The following PRKCE variants were observed in gnomAD, a reference collection of about 807,000 sequenced individuals.
PRKCE encodes the protein protein kinase C epsilon, also known as protein kinase C epsilon type.
Under a neutral mutation model 85.4 loss-of-function variants are expected in PRKCE, and 16 were observed. That is an observed-to-expected ratio of 0.19 (90% confidence interval 0.13 to 0.28). The LOEUF is 0.28. Ranked by LOEUF, PRKCE falls within the 10% of genes least tolerant of loss-of-function variation. PRKCE has a pLI of 1.00. For synonymous variants in PRKCE, 388 were observed against 371.5 expected, an observed-to-expected ratio of 1.04 and a Z score of -0.51; for missense variants, 573 against 975.2, an observed-to-expected ratio of 0.59 and a Z score of 5.49.
intron 1 of PRKCE, among the ~76,000 whole-genome samples, chr2:45,745,437 G>A (rs961555329): frequency 1.3e-5 from 2 of 151,872 alleles, no homozygotes; most frequent in Non-Finnish European, 2.9e-5. Flanking sequence ...ACAACATTTC[G>A]TCCCCTCTGC....
intron 11 of PRKCE, among the ~76,000 whole-genome samples, chr2:46,132,463 A>G (rs1473204774): frequency 1.3e-5 from 2 of 152,142 alleles, no homozygotes; most frequent in Non-Finnish European, 2.9e-5. Context: ...GTATGTCATA[A>G]GTGCTCAGTA....
chr2:45,682,061 G>T (rs1676947811), intron 1 of PRKCE, among the ~76,000 whole-genome samples: 1 of 152,140 alleles, frequency 6.6e-6, no homozygotes, highest in Admixed American at 6.5e-5. Context: ...TAGTGTTTAA[G>T]CTTATTAAAA....
intron 1 of PRKCE, among the ~76,000 whole-genome samples, chr2:45,781,432 A>G (rs1346354177): frequency 6.6e-6 from 1 of 152,206 alleles, no homozygotes; most frequent in Non-Finnish European, 1.5e-5. Context: ...AAATGATCAT[A>G]TTCAGTTCTT....
At chr2:46,127,178 A>G (rs938419459) in intron 11 of PRKCE, among the ~76,000 whole-genome samples, 1 of 152,184 alleles carries the variant, frequency 6.6e-6, no homozygotes, top group Non-Finnish European at 1.5e-5. Context: ...GTTCAGTTCA[A>G]AATTGTTGAC....
At chr2:45,799,799 G>T (rs1687717715) in intron 1 of PRKCE, among the ~76,000 whole-genome samples, 1 of 152,188 alleles carries the variant, frequency 6.6e-6, no homozygotes, top group East Asian at 1.9e-4. Flanking sequence ...TTCTTGCTGA[G>T]ATGATGTCAG....
chr2:45,985,858 C>T (rs1028589848), intron 6 of PRKCE, among the ~76,000 whole-genome samples: 1 of 152,206 alleles, frequency 6.6e-6, no homozygotes, highest in Non-Finnish European at 1.5e-5. Context: ...ACGAAGCTGT[C>T]CACCTGTTGG....
chr2:46,034,582 A>G (rs1001870730), intron 10 of PRKCE, among the ~76,000 whole-genome samples: 1 of 152,144 alleles, frequency 6.6e-6, no homozygotes, highest in African/African-American at 2.4e-5. Context: ...TCCCACATCT[A>G]AGGACACCAC....
chr2:45,930,619 A>T (rs1458904205), intron 2 of PRKCE, among the ~76,000 whole-genome samples: 1 of 152,202 alleles, frequency 6.6e-6, no homozygotes, highest in Non-Finnish European at 1.5e-5. Flanking sequence ...GTTACTCATC[A>T]TGAACTCTGC....
At chr2:45,744,883 A>G (rs1361295226) in intron 1 of PRKCE, among the ~76,000 whole-genome samples, 1 of 152,204 alleles carries the variant, frequency 6.6e-6, no homozygotes, top group Non-Finnish European at 1.5e-5. Context: ...TGCTGGGATT[A>G]TAGGCGTGAG....
At chr2:46,170,217 C>A (rs2104649988) in intron 14 of PRKCE, among the ~76,000 whole-genome samples, 1 of 152,330 alleles carries the variant, frequency 6.6e-6, no homozygotes, top group East Asian at 1.9e-4. Context: ...TAGCCCCAGG[C>A]AACCCTGGTC....
intron 1 of PRKCE, among the ~76,000 whole-genome samples, chr2:45,698,569 G>GA (rs144540569): frequency 0.027 from 4,022 of 148,238 alleles, 176 homozygotes; most frequent in African/African-American, 0.096. Flanking sequence ...AGTGAGCACA[G>GA]AAAAAAAAAT....
intron 1 of PRKCE, among the ~76,000 whole-genome samples, chr2:45,710,687 G>A (rs183497392): frequency 3.9e-5 from 6 of 152,348 alleles, no homozygotes; most frequent in Admixed American, 2.6e-4. Flanking sequence ...TTGGGGACTG[G>A]CTGTCACAGG....
chr2:45,885,377 A>G (rs572199504), intron 2 of PRKCE, among the ~76,000 whole-genome samples: 12 of 152,268 alleles, frequency 7.9e-5, no homozygotes, highest in African/African-American at 2.4e-4. Flanking sequence ...AGCTCTCTTC[A>G]GAAGGCCTGG....
intron 10 of PRKCE, among the ~76,000 whole-genome samples, chr2:46,074,585 G>A (rs1668386117): frequency 6.6e-6 from 1 of 152,180 alleles, no homozygotes; most frequent in South Asian, 2.1e-4. Flanking sequence ...GAGCCTCCTG[G>A]AAATCAGAAC....
intron 1 of PRKCE, among the ~76,000 whole-genome samples, chr2:45,771,702 C>CGTGTGTGTGTGT (rs61209033): frequency 1.1e-3 from 157 of 146,916 alleles, no homozygotes; most frequent in Middle Eastern, 3.4e-3. Context: ...CAGAGTGGGG[C>CGTGTGTGTGTGT]GTGTGTGTGT....
At chr2:45,660,820 C>G (rs1327348940) in intron 1 of PRKCE, among the ~76,000 whole-genome samples, 1 of 152,214 alleles carries the variant, frequency 6.6e-6, no homozygotes, top group African/African-American at 2.4e-5. Flanking sequence ...ATTTAGTTTT[C>G]TGTCAGAAAC....
chr2:45,829,644 C>T (rs889049868), intron 1 of PRKCE, among the ~76,000 whole-genome samples: 1 of 152,208 alleles, frequency 6.6e-6, no homozygotes, highest in Non-Finnish European at 1.5e-5. Context: ...AGCAGCTTCT[C>T]TGCAGGACCC....
chr2:45,912,904 A>G (rs1160678360), intron 2 of PRKCE, among the ~76,000 whole-genome samples: 1 of 152,106 alleles, frequency 6.6e-6, no homozygotes, highest in Non-Finnish European at 1.5e-5. Flanking sequence ...TGAAGTCCTG[A>G]TGGAGTTCAA....
At chr2:46,096,972 G>A (rs10194819) in intron 11 of PRKCE, among the ~76,000 whole-genome samples, 108,225 of 151,930 alleles carry the variant, frequency 0.71, 39,231 homozygotes, top group East Asian at 0.83. Context: ...TTAGGGGCTC[G>A]GCCAGTGCCT....
Sources: allele counts gnomAD v4.1 joint callset (sites outside exome capture counted in the v4.1 genomes callset), GRCh38; gene constraint gnomAD v4.1.1; transcripts MANE v1.5; gene names NCBI Gene and HGNC (gene_info 2026-07-23, HGNC 2026-07-21).